ZBTB20: variants seen among roughly 807,000 people sequenced by gnomAD.
ZBTB20 encodes the protein zinc finger and BTB domain containing 20.
In ZBTB20, 9 loss-of-function variants were observed where a neutral mutation model predicts 56.9. The observed-to-expected ratio is 0.16, with a 90% CI of 0.10 to 0.28. The LOEUF (loss-of-function observed/expected upper bound fraction) is 0.28, where lower values mean the gene tolerates loss of function less well. Among genes scored for constraint, ZBTB20 ranks in the 10% least tolerant of loss-of-function variants. The probability of loss-of-function intolerance (pLI) is 1.00; values close to 1 mark genes in which losing one functional copy is unlikely to be tolerated. For synonymous variants in ZBTB20, 417 were observed against 420.7 expected, an observed-to-expected ratio of 0.99 and a Z score of 0.11; for missense variants, 655 against 1,003.0, an observed-to-expected ratio of 0.65 and a Z score of 4.69.
At chr3:114,863,882 T>A (rs1186643489) in intron 4 of ZBTB20, among the ~76,000 whole-genome samples, 3 of 152,082 alleles carry the variant, frequency 2.0e-5, no homozygotes, top group African/African-American at 7.2e-5. Flanking sequence ...TGGTGTTTAA[T>A]TGCTATCAGC....
At chr3:115,119,717 T>C (rs1413294343) in intron 1 of ZBTB20, among the ~76,000 whole-genome samples, 1 of 152,204 alleles carries the variant, frequency 6.6e-6, no homozygotes, top group Non-Finnish European at 1.5e-5. Context: ...AAGTTCTAAA[T>C]TGAATAAAGT....
chr3:114,785,529 T>C (rs985938478), intron 5 of ZBTB20, among the ~76,000 whole-genome samples: 3 of 152,160 alleles, frequency 2.0e-5, no homozygotes, highest in Non-Finnish European at 4.4e-5. Flanking sequence ...GGGAAGTTTT[T>C]TCACTTCCAG....
At chr3:114,531,724 G>A (rs547961052) in intron 6 of ZBTB20, among the ~76,000 whole-genome samples, 17 of 152,290 alleles carry the variant, frequency 1.1e-4, no homozygotes, top group South Asian at 4.2e-4. Flanking sequence ...AACAGCTCCC[G>A]TCTGCAGCTC....
At chr3:114,901,949 T>C (rs931923429) in intron 3 of ZBTB20, among the ~76,000 whole-genome samples, 5 of 152,096 alleles carry the variant, frequency 3.3e-5, no homozygotes, top group Admixed American at 6.6e-5. Flanking sequence ...ATGACTTTTA[T>C]AATAGGAAAA....
chr3:114,936,499 C>A (rs888044527), intron 3 of ZBTB20, among the ~76,000 whole-genome samples: 1 of 151,984 alleles, frequency 6.6e-6, no homozygotes, highest in East Asian at 1.9e-4. Context: ...TTGAATGAGA[C>A]CCTCATTCAA....
chr3:114,620,465 T>C (rs2058247299), intron 6 of ZBTB20, among the ~76,000 whole-genome samples: 1 of 152,106 alleles, frequency 6.6e-6, no homozygotes, highest in Non-Finnish European at 1.5e-5. Flanking sequence ...GCTAATGTTG[T>C]ATTTTTAGTA....
chr3:114,439,452 C>T (rs557579009), intron 7 of ZBTB20, among the ~76,000 whole-genome samples: 34 of 152,248 alleles, frequency 2.2e-4, no homozygotes, highest in African/African-American at 7.9e-4. Context: ...TAAGTTGAAG[C>T]GATGACTTCA....
At chr3:114,474,338 G>C (rs2040495516) in intron 7 of ZBTB20, among the ~76,000 whole-genome samples, 1 of 152,182 alleles carries the variant, frequency 6.6e-6, no homozygotes, top group Non-Finnish European at 1.5e-5. Flanking sequence ...TTGTGTGTTT[G>C]CATGCATACA....
rs370179429 is a variant in ZBTB20, at chr3:114,643,861, C to T, written c.-295+49667G>A. ...CTCTTTAACTGAATTTCTAACTTTA[C>T]ATTTTGCCCGTACCTCTCCTTGTAA... On this transcript the variant is annotated intron_variant, in intron 6 of 11. Transcript: ENST00000675478. Among the ~76,000 whole-genome samples the T allele has an allele frequency of 5.7e-4, 86 of 152,098 alleles. 2 individuals are homozygous for T. The East Asian group carries it at 9.2e-3, about 16-fold the overall frequency.
chr3:114,766,096 T>C (rs542783028), intron 5 of ZBTB20, among the ~76,000 whole-genome samples: 1 of 152,146 alleles, frequency 6.6e-6, no homozygotes, highest in South Asian at 2.1e-4. Context: ...TACTAATAAA[T>C]GGGGTTTGAA....
At chr3:114,870,295 A>G (rs1424127758) in intron 4 of ZBTB20, among the ~76,000 whole-genome samples, 2 of 151,798 alleles carry the variant, frequency 1.3e-5, no homozygotes, top group Non-Finnish European at 2.9e-5. Flanking sequence ...CATAGTTAAT[A>G]TGAAATTACT....
chr3:114,331,942 G>A lies in ZBTB20; in HGVS notation c.*7063C>T, dbSNP rs190862994. ...ATTTATAGACATTTTGGACAGCAGC[G>A]GTGACATACTGGATGGGTTAAGACT... On this transcript the variant is annotated 3_prime_UTR_variant, in exon 12 of 12. Coordinates refer to ENST00000675478, the MANE Select transcript of ZBTB20 (RefSeq NM_001348800.3). 9.2e-5 allele frequency: 14 copies of A among 152,146 alleles called. No homozygotes were observed. The highest frequency in any genetic ancestry group is 3.4e-4 in the African/African-American group (14 of 41,460). 9.4% of individuals were successfully genotyped at this position (152,146 alleles called of 1,614,324 possible).
intron 4 of ZBTB20, among the ~76,000 whole-genome samples, chr3:114,843,540 T>C (rs1230364247): frequency 3.9e-5 from 6 of 152,160 alleles, no homozygotes; most frequent in African/African-American, 7.2e-5. Context: ...TATACACGTA[T>C]ACATATATTT....
chr3:114,477,069 T>C (rs1027038165), intron 7 of ZBTB20, among the ~76,000 whole-genome samples: 10 of 152,220 alleles, frequency 6.6e-5, no homozygotes, highest in African/African-American at 2.2e-4. Flanking sequence ...TAGTGTGCAA[T>C]AAATGTCACC....
chr3:114,730,204 TTG>T (rs140060489), intron 5 of ZBTB20, among the ~76,000 whole-genome samples: 12 of 150,306 alleles, frequency 8.0e-5, no homozygotes, highest in Middle Eastern at 3.5e-3. Flanking sequence ...TGTTGCAATT[TTG>T]TGTGTGTGTG....
chr3:114,515,454 A>G (rs1279623141), intron 6 of ZBTB20, among the ~76,000 whole-genome samples: 1 of 152,218 alleles, frequency 6.6e-6, no homozygotes, highest in African/African-American at 2.4e-5. Flanking sequence ...ACAAAACTGT[A>G]CAGCTTGATG....
chr3:114,627,961 G>C (rs959223459), intron 6 of ZBTB20, among the ~76,000 whole-genome samples: 4 of 152,062 alleles, frequency 2.6e-5, no homozygotes, highest in Non-Finnish European at 5.9e-5. Context: ...AATGTTTTTG[G>C]CCTGACTGTC....
chr3:114,481,656 T>C (rs1316107650), intron 7 of ZBTB20, among the ~76,000 whole-genome samples: 1 of 152,238 alleles, frequency 6.6e-6, no homozygotes, highest in African/African-American at 2.4e-5. Context: ...TTCCTCTCTG[T>C]TTCTTGCTGC....
intron 1 of ZBTB20, among the ~76,000 whole-genome samples, chr3:115,077,111 C>G (rs2082624161): frequency 6.6e-6 from 1 of 151,984 alleles, no homozygotes; most frequent in African/African-American, 2.4e-5. Flanking sequence ...GCGTGGCGAG[C>G]AGGGGTGAAT....
Sources: allele counts gnomAD v4.1 joint callset (sites outside exome capture counted in the v4.1 genomes callset), GRCh38; gene constraint gnomAD v4.1.1; transcripts MANE v1.5; gene names NCBI Gene and HGNC (gene_info 2026-07-23, HGNC 2026-07-21).